The following SYT2 variants were observed in gnomAD, a reference collection of about 807,000 sequenced individuals.
The protein encoded by SYT2 is synaptotagmin 2, also known as synaptotagmin-2.
SYT2 carries 15 observed loss-of-function variants against 39.9 expected under a neutral mutation model. That is an observed-to-expected ratio of 0.38 (90% CI 0.25 to 0.58). The LOEUF (loss-of-function observed/expected upper bound fraction) is 0.58. Ranked by LOEUF, SYT2 falls within the 20% of genes least tolerant of loss-of-function variation. SYT2 has a pLI of 0.70. For synonymous variants in SYT2, 181 were observed against 204.5 expected, an observed-to-expected ratio of 0.89 and a Z score of 0.98; for missense variants, 389 against 530.3, an observed-to-expected ratio of 0.73 and a Z score of 2.62.
chr1:202,660,622 A>AT (rs1269895088), intron 1 of SYT2, among the ~76,000 whole-genome samples: 2 of 152,072 alleles, frequency 1.3e-5, no homozygotes, highest in East Asian at 1.9e-4. Flanking sequence ...GACCATCTTT[A>AT]TTTTTTTATT....
chr1:202,695,660 C>T lies in SYT2; in HGVS notation c.-18+14598G>A, dbSNP rs376015865. 7.9e-5 allele frequency among the ~76,000 whole-genome samples: 12 copies of T among 152,304 alleles called. No homozygotes were observed. In the East Asian group the frequency reaches 1.9e-3, roughly 24 times the overall value. On this transcript the variant is annotated intron_variant, in intron 1 of 8. Transcript: ENST00000367268. Reference sequence around the variant, plus strand: ...ATTCATTTCCAAGGGGACCTGGCATCTTCCTCTCACAGACATCCAGACAGC... The same window carrying T: ...ATTCATTTCCAAGGGGACCTGGCATTTTCCTCTCACAGACATCCAGACAGC...
In SYT2 at chr1:202,603,097, C is replaced by A; in HGVS notation, c.367G>T (p.Gly123Cys). 1 of 1,614,152 alleles carries A rather than the reference C, an allele frequency of 6.2e-7. No homozygotes were observed. The highest frequency in any genetic ancestry group is 8.5e-7 in the Non-Finnish European group (1 of 1,180,008). ...GGQDDDDAET[G>C]LTEGEGEGEE... ...CCTTCACCTTCCCCCTCAGTCAGGC[C>A]TGTCTCTGCGTCGTCGTCATCCTGT... Residue 123 changes from glycine (G) to cysteine (C), a missense_variant, in exon 4 of 9, where the codon GGC becomes TGC. Gly to Cys is a radical substitution (Grantham distance 159, BLOSUM62 -3). Coordinates refer to ENST00000367268, the MANE Select transcript of SYT2 (RefSeq NM_177402.5).
chr1:202,681,645 C>G (rs1369354113), intron 1 of SYT2, among the ~76,000 whole-genome samples: 4 of 152,176 alleles, frequency 2.6e-5, no homozygotes, highest in Non-Finnish European at 5.9e-5. Flanking sequence ...GATCGGTGGG[C>G]AGGGATGTTG....
In SYT2 at chr1:202,601,752, C is replaced by G; in HGVS notation, c.801+138G>C. 1 of 913,606 alleles carries G rather than the reference C, an allele frequency of 1.1e-6. No individual in the cohort carries two copies. The highest frequency in any genetic ancestry group is 1.7e-6 in the Non-Finnish European group (1 of 595,554). The allele number at this position is 913,606 out of a possible 1,614,324, so 56.6% of individuals were successfully genotyped here. On this transcript the variant is annotated intron_variant, in intron 6 of 8. Coordinates refer to ENST00000367268, the MANE Select transcript of SYT2 (RefSeq NM_177402.5). This position sits in a 1 kb window ranked among gnomAD's most constrained non-coding sequence, Gnocchi z 4.0. ...TGTAAGCAACTTGCCCAGGGTCACA[C>G]AGCCAGGCAGTGTGGAGCTGGGATC...
intron 1 of SYT2, among the ~76,000 whole-genome samples, chr1:202,661,104 T>C (rs959166524): frequency 6.6e-6 from 1 of 151,996 alleles, no homozygotes; most frequent in Non-Finnish European, 1.5e-5. Flanking sequence ...TCATGGACCA[T>C]ATAATTTGTG....
chr1:202,654,743 C>G (rs1296664899), intron 1 of SYT2, among the ~76,000 whole-genome samples: 1 of 152,152 alleles, frequency 6.6e-6, no homozygotes, highest in Non-Finnish European at 1.5e-5. Context: ...TCAGGGAGCT[C>G]AAGGACAGCT....
intron 1 of SYT2, among the ~76,000 whole-genome samples, chr1:202,696,058 T>C (rs138832686): frequency 6.6e-6 from 1 of 152,340 alleles, no homozygotes; most frequent in East Asian, 1.9e-4. Flanking sequence ...ACGTCTAATG[T>C]TTTTCTGAGA....
intron 1 of SYT2, among the ~76,000 whole-genome samples, chr1:202,652,047 A>C (rs1692204777): frequency 6.6e-6 from 1 of 152,162 alleles, no homozygotes; most frequent in Admixed American, 6.5e-5. Context: ...ACAGAGTGAG[A>C]CTCCGTCTAA....
chr1:202,686,783 G>C (rs1487215369), intron 1 of SYT2, among the ~76,000 whole-genome samples: 1 of 152,136 alleles, frequency 6.6e-6, no homozygotes, highest in Non-Finnish European at 1.5e-5. Context: ...CCCTCTGCCA[G>C]TGTTTGCTTT....
At chr1:202,656,063 G>A (rs1046564041) in intron 1 of SYT2, among the ~76,000 whole-genome samples, 18 of 152,160 alleles carry the variant, frequency 1.2e-4, no homozygotes, top group African/African-American at 2.9e-4. Flanking sequence ...ACAGCGGGCC[G>A]TGCCTGTAAG....
intron 1 of SYT2, among the ~76,000 whole-genome samples, chr1:202,657,081 G>T (rs561371743): frequency 6.6e-6 from 1 of 152,174 alleles, no homozygotes; most frequent in African/African-American, 2.4e-5. Context: ...TCATTTTTGT[G>T]TATGTCCTTT....
intron 1 of SYT2, among the ~76,000 whole-genome samples, chr1:202,700,617 AT>A (rs1388315551): frequency 6.6e-6 from 1 of 152,232 alleles, no homozygotes; most frequent in Non-Finnish European, 1.5e-5. Flanking sequence ...GACCAAAAAA[AT>A]ATATAGTAGA....
chr1:202,615,699 T>C (rs1691013484), intron 1 of SYT2, among the ~76,000 whole-genome samples: 1 of 152,212 alleles, frequency 6.6e-6, no homozygotes, highest in South Asian at 2.1e-4. Context: ...ACGCAGTTCC[T>C]GCCATGCTGG....
At chr1:202,650,265 G>A (rs1053852332) in intron 1 of SYT2, among the ~76,000 whole-genome samples, 3 of 152,134 alleles carry the variant, frequency 2.0e-5, no homozygotes, top group East Asian at 1.9e-4. Context: ...CCTGTGAGCC[G>A]GGGTGTCCAG....
intron 1 of SYT2, among the ~76,000 whole-genome samples, chr1:202,653,583 C>T (rs1185686945): frequency 6.6e-6 from 1 of 152,042 alleles, no homozygotes; most frequent in African/African-American, 2.4e-5. Context: ...GCCCAAAGAC[C>T]ATCCCCAGAG....
At chr1:202,701,086 A>G (rs1654110347) in intron 1 of SYT2, among the ~76,000 whole-genome samples, 2 of 152,222 alleles carry the variant, frequency 1.3e-5, no homozygotes, top group Admixed American at 1.3e-4. Flanking sequence ...ATCTATTACT[A>G]TTCCCACTGA....
chr1:202,606,742 A>G (rs1239179409), intron 1 of SYT2, among the ~76,000 whole-genome samples: 1 of 152,152 alleles, frequency 6.6e-6, no homozygotes, highest in Non-Finnish European at 1.5e-5. Flanking sequence ...TTTATTAATA[A>G]CATAACCCAG....
At chr1:202,694,045 C>G (rs1328083827) in intron 1 of SYT2, among the ~76,000 whole-genome samples, 2 of 152,182 alleles carry the variant, frequency 1.3e-5, no homozygotes, top group African/African-American at 4.8e-5. Flanking sequence ...CACTCATTAC[C>G]ACGAGGAGGA....
intron 1 of SYT2, among the ~76,000 whole-genome samples, chr1:202,694,620 C>T (rs1428811672): frequency 6.6e-6 from 1 of 152,032 alleles, no homozygotes; most frequent in African/African-American, 2.4e-5. Flanking sequence ...AATAACATTA[C>T]GGCACTGATA....
Sources: allele counts gnomAD v4.1 joint callset (sites outside exome capture counted in the v4.1 genomes callset), GRCh38; gene constraint gnomAD v4.1.1; non-coding constraint Gnocchi (gnomAD v3.1); transcripts MANE v1.5; gene names NCBI Gene and HGNC (gene_info 2026-07-23, HGNC 2026-07-21).